Variants in SDK2 observed in about 807,000 individuals in gnomAD.
SDK2 encodes protein sidekick-2.
Under a neutral mutation model 253.9 loss-of-function variants are expected in SDK2, and 105 were observed. That is an observed-to-expected ratio of 0.41 (90% CI 0.35 to 0.49). The LOEUF (loss-of-function observed/expected upper bound fraction) is 0.49, where lower values mean the gene tolerates loss of function less well. SDK2 is among the 20% of genes least tolerant of loss of function. The probability of loss-of-function intolerance (pLI) is 0.06; values close to 1 mark genes in which losing one functional copy is unlikely to be tolerated. For synonymous variants in SDK2, 1,249 were observed against 1,234.9 expected, an observed-to-expected ratio of 1.01 and a Z score of -0.24; for missense variants, 2,608 against 3,003.0, an observed-to-expected ratio of 0.87 and a Z score of 3.07.
In SDK2 at chr17:73,358,446, G is replaced by T. The variant is rs532735082; in HGVS notation, c.5468-242C>A. On this transcript the variant is annotated intron_variant, in intron 39 of 44. Coordinates refer to ENST00000392650, the MANE Select transcript of SDK2 (RefSeq NM_001144952.2). ...CAAATCCCAGGGCAGAAGACAAATG[G>T]AATGGTCCAGAAAGGTCCCTGGAGT... Among the ~76,000 whole-genome samples, 95 of 152,186 alleles carry T rather than the reference G, an allele frequency of 6.2e-4. 1 individual carries two copies. Among genetic ancestry groups the T allele is most frequent in the South Asian group, 4.1e-4 (2 of 4,828 alleles).
chr17:73,339,987 C>G (rs951869073), intron 44 of SDK2, among the ~76,000 whole-genome samples: 4 of 152,160 alleles, frequency 2.6e-5, no homozygotes, highest in Admixed American at 1.3e-4. Context: ...TCTCCTGCCT[C>G]AGCTTCTGGA....
Position 73,443,729 on chromosome 17 carries a change from T to C in SDK2, c.614-2806A>G, listed in dbSNP as rs561986074. ...AAGGGTCCCAGGGGTGAGGAAGACC[T>C]GGGCTCAAAGCCTAGCTCTGCCCCC... On this transcript the variant is annotated intron_variant, in intron 5 of 44. Coordinates refer to ENST00000392650, the MANE Select transcript of SDK2 (RefSeq NM_001144952.2). This position sits in a 1 kb window ranked among gnomAD's most constrained non-coding sequence, Gnocchi z 4.6. Among the ~76,000 whole-genome samples, 1 of 152,306 alleles carries C rather than the reference T, an allele frequency of 6.6e-6. No individual in the cohort carries two copies. The highest frequency in any genetic ancestry group is 1.9e-4 in the East Asian group (1 of 5,176).
intron 1 of SDK2, among the ~76,000 whole-genome samples, chr17:73,539,420 G>A (rs1040149509): frequency 3.3e-5 from 5 of 151,818 alleles, no homozygotes; most frequent in African/African-American, 4.8e-5. Flanking sequence ...AGCCCTGCTC[G>A]GCTCAGCACA....
Position 73,348,719 on chromosome 17 carries a change from G to T in SDK2, c.6045C>A (p.Pro2015=), listed in dbSNP as rs778470756. ...CRKNGLYTRS[P]PRPSPGSLHY... is the part of the protein sequence containing the mutation. ...GCAGGCTGCCTGGGCTGGGCCTGGG[G>T]GGAGACCTGGAGAGAGCGGGGGAGT... Residue 2015 remains proline, a synonymous_variant, in exon 44 of 45, where the codon CCC becomes CCA. Coordinates refer to ENST00000392650, the MANE Select transcript of SDK2 (RefSeq NM_001144952.2). The T allele has an allele frequency of 3.1e-6, 5 of 1,606,330 alleles. No individual in the cohort carries two copies. The highest frequency in any genetic ancestry group is 1.1e-5 in the South Asian group (1 of 90,934).
chr17:73,576,188 A>C (rs1486137577), intron 1 of SDK2, among the ~76,000 whole-genome samples: 1 of 152,208 alleles, frequency 6.6e-6, no homozygotes, highest in African/African-American at 2.4e-5. Flanking sequence ...GGGTGTCCCA[A>C]GGAAAGGAAG....
intron 1 of SDK2, among the ~76,000 whole-genome samples, chr17:73,547,484 T>C (rs1363590637): frequency 6.6e-6 from 1 of 152,156 alleles, no homozygotes; most frequent in Non-Finnish European, 1.5e-5. Context: ...GCCAGCTCAA[T>C]AGGGCTGGTC....
In SDK2 at chr17:73,338,508, G is replaced by C; in HGVS notation, c.*79C>G. Reference sequence around the variant, plus strand: ...GTTGACTTGGTTTCTTGGTGTTTTTGTTTTCTGGCAGGCAGTGAGAGGAGG... The same window carrying C: ...GTTGACTTGGTTTCTTGGTGTTTTTCTTTTCTGGCAGGCAGTGAGAGGAGG... On this transcript the variant is annotated 3_prime_UTR_variant, in exon 45 of 45. Coordinates refer to ENST00000392650, the MANE Select transcript of SDK2 (RefSeq NM_001144952.2). The surrounding 1 kb of genome is among the most constrained non-coding windows in gnomAD (Gnocchi z 5.0). 1.1e-6 allele frequency: 1 copy of C among 885,724 alleles called. No homozygotes were observed. The highest frequency in any genetic ancestry group is 1.7e-6 in the Non-Finnish European group (1 of 571,890). 54.9% of individuals were successfully genotyped at this position (885,724 alleles called of 1,614,324 possible). A position where few individuals can be genotyped will look rare whatever the true frequency, so the allele number is the denominator to read the frequency against.
chr17:73,559,391 G>A (rs905937582), intron 1 of SDK2, among the ~76,000 whole-genome samples: 1 of 152,228 alleles, frequency 6.6e-6, no homozygotes, highest in Non-Finnish European at 1.5e-5. Flanking sequence ...GAAGCAAGGA[G>A]TTGATAAATG....
chr17:73,469,576 G>A (rs1393553187), intron 3 of SDK2, among the ~76,000 whole-genome samples: 4 of 152,190 alleles, frequency 2.6e-5, no homozygotes, highest in African/African-American at 9.7e-5. Context: ...CTGCAGATGG[G>A]CCTGGTCACA....
In SDK2 at chr17:73,395,886, C is replaced by T. The variant is rs2062967446; in HGVS notation, c.3355-494G>A. Among the ~76,000 whole-genome samples, 1 of 152,060 alleles carries T rather than the reference C, an allele frequency of 6.6e-6. No homozygotes were observed. The highest frequency in any genetic ancestry group is 2.4e-5 in the African/African-American group (1 of 41,400). On this transcript the variant is annotated intron_variant, in intron 24 of 44. Transcript: ENST00000392650. This position sits in a 1 kb window ranked among gnomAD's most constrained non-coding sequence, Gnocchi z 4.3. The stretch of plus-strand genomic sequence containing the variant: ...AGTCCTTCTGTCCAGCAAACCTCAG[C>T]CTCTCCTGCTGCATTTTCAGCCTCC...
chr17:73,610,047 C>T (rs56375046), intron 1 of SDK2, among the ~76,000 whole-genome samples: 16 of 152,110 alleles, frequency 1.1e-4, no homozygotes, highest in South Asian at 2.1e-4. Context: ...ATCAGCCCCA[C>T]GGAGACATGG....
chr17:73,628,202 C>T (rs749165419), intron 1 of SDK2, among the ~76,000 whole-genome samples: 5 of 152,244 alleles, frequency 3.3e-5, no homozygotes, highest in Non-Finnish European at 7.3e-5. Flanking sequence ...AGAATATGGC[C>T]TCCTCAGGAG....
chr17:73,571,982 C>T (rs934676162), intron 1 of SDK2, among the ~76,000 whole-genome samples: 10 of 152,214 alleles, frequency 6.6e-5, no homozygotes, highest in South Asian at 6.2e-4. Context: ...GGGCCAGCAC[C>T]CTGGGCATGC....
intron 1 of SDK2, among the ~76,000 whole-genome samples, chr17:73,551,563 C>T (rs1213570437): frequency 1.3e-5 from 2 of 152,328 alleles, no homozygotes; most frequent in South Asian, 4.1e-4. Flanking sequence ...CATTCTTCCA[C>T]CTTTTTCTCA....
At chr17:73,591,034 C>T (rs2045674666) in intron 1 of SDK2, among the ~76,000 whole-genome samples, 1 of 152,296 alleles carries the variant, frequency 6.6e-6, no homozygotes, top group Admixed American at 6.5e-5. Flanking sequence ...ATTCTCCTGC[C>T]TCAGCCTCCT....
At chr17:73,538,830 C>T (rs2044821410) in intron 1 of SDK2, among the ~76,000 whole-genome samples, 1 of 152,190 alleles carries the variant, frequency 6.6e-6, no homozygotes. Context: ...AGTGTCAGCA[C>T]TTTCTAGATG....
intron 1 of SDK2, among the ~76,000 whole-genome samples, chr17:73,548,935 C>T (rs1018018724): frequency 2.6e-5 from 4 of 152,222 alleles, no homozygotes; most frequent in East Asian, 3.9e-4. Context: ...CCATGCCAGC[C>T]GCTGAAGCTG....
intron 30 of SDK2, among the ~76,000 whole-genome samples, chr17:73,387,467 T>C (rs2062882166): frequency 6.6e-6 from 1 of 152,166 alleles, no homozygotes; most frequent in Non-Finnish European, 1.5e-5. Context: ...CGGAATTAAA[T>C]TGAAGCTAGA....
intron 44 of SDK2, among the ~76,000 whole-genome samples, chr17:73,340,255 G>A (rs779202970): frequency 1.3e-5 from 2 of 152,160 alleles, no homozygotes; most frequent in Non-Finnish European, 2.9e-5. Flanking sequence ...TAGGACCGTC[G>A]CAGTGTTGTG....
Sources: gnomAD v4.1 joint callset for allele counts (sites outside exome capture counted in the v4.1 genomes callset) on GRCh38, gnomAD v4.1.1 for gene constraint, Gnocchi (gnomAD v3.1) non-coding constraint, MANE v1.5 for transcripts, NCBI Gene and HGNC (gene_info 2026-07-23, HGNC 2026-07-21) for gene names.